DPYD: variants seen among roughly 807,000 people sequenced by gnomAD.
DPYD encodes the protein dihydropyrimidine dehydrogenase, also known as dihydropyrimidine dehydrogenase [NADP(+)].
DPYD carries 109 observed loss-of-function variants against 116.2 expected under a neutral mutation model. That is an observed-to-expected ratio of 0.94 (90% CI 0.80 to 1.10). The LOEUF is 1.10. DPYD is among the 50% of genes least tolerant of loss of function. DPYD has a pLI of 0.00. For missense variants in DPYD, 1,302 were observed against 1,254.5 expected (o/e 1.04, Z -0.57); for synonymous variants, 440 against 432.0 (o/e 1.02, Z -0.23).
intron 19 of DPYD, among the ~76,000 whole-genome samples, chr1:97,229,622 G>T (rs1193671767): frequency 8.0e-6 from 1 of 125,510 alleles, no homozygotes; most frequent in Non-Finnish European, 1.6e-5. Flanking sequence ...GCTAATATTG[G>T]TTAAAAAAAC....
chr1:97,877,969 G>A (rs1484764062), intron 2 of DPYD, among the ~76,000 whole-genome samples: 2 of 151,930 alleles, frequency 1.3e-5, no homozygotes, highest in African/African-American at 4.8e-5. Flanking sequence ...CAAACATTAA[G>A]TATAATTTCC....
intron 12 of DPYD, among the ~76,000 whole-genome samples, chr1:97,547,729 A>G (rs1570939510): frequency 6.6e-6 from 1 of 151,842 alleles, no homozygotes; most frequent in South Asian, 2.1e-4. Context: ...CACCCAGGCT[A>G]GAGTGCAGTG....
chr1:97,554,179 C>T (rs1000242833), intron 11 of DPYD, among the ~76,000 whole-genome samples: 3 of 152,130 alleles, frequency 2.0e-5, no homozygotes, highest in Admixed American at 6.6e-5. Flanking sequence ...GGACACATCA[C>T]TAGCAGATGC....
At chr1:97,495,233 C>A (rs1679197374) in intron 13 of DPYD, among the ~76,000 whole-genome samples, 1 of 151,910 alleles carries the variant, frequency 6.6e-6, no homozygotes, top group Non-Finnish European at 1.5e-5. Context: ...CTTTCTCCTG[C>A]AGATAAGCAG....
At chr1:97,629,395 G>C (rs1160910699) in intron 8 of DPYD, among the ~76,000 whole-genome samples, 1 of 152,052 alleles carries the variant, frequency 6.6e-6, no homozygotes, top group East Asian at 1.9e-4. Context: ...AGGAGCCAAT[G>C]TAGGACACAC....
intron 6 of DPYD, 125 bp downstream of exon 6, chr1:97,699,226 A>G (rs1353107409): frequency 1.5e-5 from 16 of 1,059,126 alleles, no homozygotes; most frequent in Non-Finnish European, 2.2e-5. Flanking sequence ...AACATTTGGA[A>G]AAAGAACATT....
chr1:97,288,985 TA>T (rs1272476832), intron 18 of DPYD, among the ~76,000 whole-genome samples: 1 of 151,936 alleles, frequency 6.6e-6, no homozygotes, highest in African/African-American at 2.4e-5. Flanking sequence ...ATAGATGCAA[TA>T]AAAAATGATA....
chr1:97,097,578 T>C (rs1406739414), intron 21 of DPYD, among the ~76,000 whole-genome samples: 2 of 152,170 alleles, frequency 1.3e-5, no homozygotes, highest in Non-Finnish European at 2.9e-5. Context: ...TTTCTCATTA[T>C]GACTGCTTGG....
chr1:97,094,562 G>A (rs1342753431), intron 21 of DPYD, among the ~76,000 whole-genome samples: 1 of 152,042 alleles, frequency 6.6e-6, no homozygotes. Flanking sequence ...TAGGTAAGAT[G>A]GGGTTCATTG....
chr1:97,581,326 CAAAAAAA>C (rs1161399547), intron 10 of DPYD, among the ~76,000 whole-genome samples: 23 of 66,592 alleles, frequency 3.5e-4, no homozygotes, highest in Middle Eastern at 0.014. Flanking sequence ...GACTCAGTCT[CAAAAAAA>C]AAAAAAAAAA....
intron 8 of DPYD, among the ~76,000 whole-genome samples, chr1:97,633,019 A>G (rs1381094599): frequency 2.6e-5 from 4 of 152,248 alleles, no homozygotes; most frequent in African/African-American, 4.8e-5. Context: ...AATGGGGCAT[A>G]CTTTTCAAAC....
At position 97,778,996 on chromosome 1, in the gene DPYD, A is replaced by G. The variant is rs565021570; in HGVS notation, c.234-38517T>C. ...ATTTTCAGAATATTCTGTTATAAAAATAAACCTTCACCAGGAATATAGCCA... is the reference window on the plus strand; with the variant it reads ...ATTTTCAGAATATTCTGTTATAAAAGTAAACCTTCACCAGGAATATAGCCA... On this transcript the variant is annotated intron_variant, in intron 3 of 22. Coordinates refer to ENST00000370192, the MANE Select transcript of DPYD (RefSeq NM_000110.4). Among the ~76,000 whole-genome samples the G allele has an allele frequency of 9.9e-5, 15 of 152,260 alleles. No individual in the cohort carries two copies. The East Asian group carries it at 2.9e-3, about 29-fold the overall frequency.
chr1:97,640,630 T>C (rs1657834694), intron 8 of DPYD, among the ~76,000 whole-genome samples: 1 of 152,026 alleles, frequency 6.6e-6, no homozygotes, highest in African/African-American at 2.4e-5. Context: ...TTCTGTTAGA[T>C]TATTAGAGTC....
intron 16 of DPYD, among the ~76,000 whole-genome samples, chr1:97,370,431 A>G (rs1671258675): frequency 6.6e-6 from 1 of 152,122 alleles, no homozygotes; most frequent in African/African-American, 2.4e-5. Flanking sequence ...TTGGGGGGTC[A>G]GAGGGCTGAG....
At chr1:97,492,281 A>T (rs766350577) in intron 13 of DPYD, among the ~76,000 whole-genome samples, 1 of 152,176 alleles carries the variant, frequency 6.6e-6, no homozygotes, top group Non-Finnish European at 1.5e-5. Context: ...AAGGAGAAAC[A>T]TGCTGCGAAT....
chr1:97,322,492 G>A (rs1295721166), intron 16 of DPYD, among the ~76,000 whole-genome samples: 2 of 151,898 alleles, frequency 1.3e-5, no homozygotes, highest in African/African-American at 2.4e-5. Context: ...TGATAATGTG[G>A]GATAGAGAAG....
chr1:97,671,501 T>C (rs995368938), intron 8 of DPYD, among the ~76,000 whole-genome samples: 1 of 152,086 alleles, frequency 6.6e-6, no homozygotes, highest in Non-Finnish European at 1.5e-5. Context: ...TTGCATTTTG[T>C]CAAAAACAAA....
At chr1:97,167,409 T>C (rs1451757335) in intron 20 of DPYD, among the ~76,000 whole-genome samples, 5 of 152,134 alleles carry the variant, frequency 3.3e-5, no homozygotes, top group Admixed American at 6.6e-5. Flanking sequence ...GTAAGATCAG[T>C]AAGCAACTAA....
intron 3 of DPYD, among the ~76,000 whole-genome samples, chr1:97,789,764 T>C (rs1456802023): frequency 2.6e-5 from 4 of 152,176 alleles, no homozygotes; most frequent in African/African-American, 9.7e-5. Context: ...TTCTTAGATA[T>C]ACCTCCTGAA....
Sources: gnomAD v4.1 joint callset for allele counts (sites outside exome capture counted in the v4.1 genomes callset) on GRCh38, gnomAD v4.1.1 for gene constraint, MANE v1.5 for transcripts, NCBI Gene and HGNC (gene_info 2026-07-23, HGNC 2026-07-21) for gene names.